ACVR2A: variants seen among roughly 807,000 people sequenced by gnomAD.
ACVR2A encodes the protein activin A receptor type 2A, also known as activin receptor type-2A.
A neutral mutation model predicts 61.4 loss-of-function variants in ACVR2A; 7 were observed. The ratio of observed to expected loss-of-function variants is 0.11; its 90% CI spans 0.06 to 0.21. ACVR2A has a LOEUF of 0.21. Among genes scored for constraint, ACVR2A ranks in the 10% least tolerant of loss-of-function variants. The pLI is 1.00. For synonymous variants in ACVR2A, 193 were observed against 208.3 expected (o/e 0.93, Z 0.63); for missense variants, 322 against 621.7 (o/e 0.52, Z 5.13).
intron 5 of ACVR2A, 57 bp downstream of exon 5, chr2:147,915,391 A>T (rs1353322544): frequency 1.3e-5 from 20 of 1,597,662 alleles, no homozygotes; most frequent in Non-Finnish European, 1.5e-5. Context: ...AGGTCATCAT[A>T]ACTCAGAAAT....
At chr2:147,851,545 C>T (rs566138477) in intron 1 of ACVR2A, among the ~76,000 whole-genome samples, 1 of 152,194 alleles carries the variant, frequency 6.6e-6, no homozygotes, top group African/African-American at 2.4e-5. Context: ...TATTGTATAT[C>T]AGTATGGTGC....
chr2:147,887,320 A>G (rs1014394616), intron 1 of ACVR2A, among the ~76,000 whole-genome samples: 4 of 152,218 alleles, frequency 2.6e-5, no homozygotes, highest in Non-Finnish European at 5.9e-5. Flanking sequence ...ATATTAAGCT[A>G]CATCCAGATA....
At chr2:147,875,108 A>G (rs1049208926) in intron 1 of ACVR2A, among the ~76,000 whole-genome samples, 4 of 152,030 alleles carry the variant, frequency 2.6e-5, no homozygotes, top group Non-Finnish European at 5.9e-5. Context: ...AATTTGAAAT[A>G]TTAATATCTG....
chr2:147,907,595 T>G (rs1687017260), intron 4 of ACVR2A, among the ~76,000 whole-genome samples: 1 of 152,174 alleles, frequency 6.6e-6, no homozygotes, highest in Admixed American at 6.6e-5. Context: ...ATAAGAAAAT[T>G]GAGGCATTCA....
At chr2:147,923,859 G>C (rs958489000) in intron 9 of ACVR2A, among the ~76,000 whole-genome samples, 2 of 152,026 alleles carry the variant, frequency 1.3e-5, no homozygotes, top group African/African-American at 4.8e-5. Context: ...GATTGTCAAA[G>C]ACCATAGAAG....
Position 147,899,855 on chromosome 2 carries a change from G to A in ACVR2A, c.485G>A (p.Arg162Lys), listed in dbSNP as rs369418751. Residue 162 changes from arginine (R) to lysine (K), a missense_variant, in exon 4 of 11, where the codon AGG becomes AAG. Arg to Lys is a conservative substitution (Grantham distance 26). Transcript: ENST00000241416. The stretch of plus-strand genomic sequence containing the variant: ...GTCATTTGTGCATTTTGGGTGTACA[G>A]GCATCACAAGATGGCCTACCCTCCT... ...GIVICAFWVY[R>K]HHKMAYPPVL... The A allele has an allele frequency of 6.8e-6, 11 of 1,613,572 alleles. No homozygotes were observed. The African/African-American group carries it at 1.5e-4, about 22-fold the overall frequency.
At chr2:147,921,254 C>G (rs1029055644) in intron 8 of ACVR2A, among the ~76,000 whole-genome samples, 1 of 152,022 alleles carries the variant, frequency 6.6e-6, no homozygotes, top group Admixed American at 6.6e-5. Flanking sequence ...AGGCTTGTAT[C>G]GAGCTCCTGA....
At chr2:147,887,204 C>A in intron 1 of ACVR2A, among the ~76,000 whole-genome samples, 1 of 147,360 alleles carries the variant, frequency 6.8e-6, no homozygotes. Context: ...AGAGCGAGAT[C>A]TTGTCTCAAA....
rs1687641614 is a variant in ACVR2A, at chr2:147,930,297, G to C, written c.*3023G>C. The C allele has an allele frequency of 4.7e-5, 7 of 148,652 alleles. No individual in the cohort carries two copies. In the South Asian group the frequency reaches 1.5e-3, roughly 32 times the overall value. 9.2% of individuals were successfully genotyped at this position (148,652 alleles called of 1,614,324 possible). A position where few individuals can be genotyped will look rare whatever the true frequency, so the allele number is the denominator to read the frequency against. On this transcript the variant is annotated 3_prime_UTR_variant, in exon 11 of 11. Coordinates refer to ENST00000241416, the MANE Select transcript of ACVR2A (RefSeq NM_001616.5). ...TTTAAGTAAAATGCAGGTGGTAGGGGAAAAAAAACCATGGCGAGATGGTGG... is the reference window on the plus strand; with the variant it reads ...TTTAAGTAAAATGCAGGTGGTAGGGCAAAAAAAACCATGGCGAGATGGTGG...
chr2:147,909,697 G>A (rs1687070576), intron 4 of ACVR2A, among the ~76,000 whole-genome samples: 1 of 152,136 alleles, frequency 6.6e-6, no homozygotes, highest in African/African-American at 2.4e-5. Flanking sequence ...GAATGCAGTG[G>A]CATGATCACA....
chr2:147,900,562 G>A (rs756433711), intron 4 of ACVR2A: 2 of 151,994 alleles, frequency 1.3e-5, no homozygotes, highest in Non-Finnish European at 2.9e-5. Context: ...TATAGGTGTG[G>A]AGAGTAATCA....
At chr2:147,896,271 G>A (rs560277812) in intron 1 of ACVR2A, 30 bp from the exon 2 acceptor site, 1 of 1,553,268 alleles carries the variant, frequency 6.4e-7, no homozygotes, top group African/African-American at 1.4e-5. Context: ...CAGATAATGT[G>A]GTTATATTAT....
chr2:147,926,229 C>A, intron 10 of ACVR2A, 68 bp downstream of exon 10: 1 of 1,536,220 alleles, frequency 6.5e-7, no homozygotes, highest in Non-Finnish European at 8.8e-7. Context: ...TTATTTATCT[C>A]TGCACATTTC....
chr2:147,909,494 A>G (rs1329921091), intron 4 of ACVR2A, among the ~76,000 whole-genome samples: 1 of 152,160 alleles, frequency 6.6e-6, no homozygotes. Context: ...CTACAAACCT[A>G]ATAGCTTGAT....
At chr2:147,890,378 A>G (rs1308891071) in intron 1 of ACVR2A, among the ~76,000 whole-genome samples, 2 of 142,212 alleles carry the variant, frequency 1.4e-5, no homozygotes, top group Non-Finnish European at 3.1e-5. Flanking sequence ...GTATACACAC[A>G]TACATGTACT....
intron 1 of ACVR2A, 77 bp downstream of exon 1, chr2:147,845,284 T>G (rs1490648015): frequency 6.9e-7 from 1 of 1,443,332 alleles, no homozygotes; most frequent in Non-Finnish European, 9.5e-7. Flanking sequence ...CGGCTGGTGT[T>G]GAGTCGGAGA....
chr2:147,914,897 T>G (rs1687212843), intron 4 of ACVR2A, among the ~76,000 whole-genome samples: 1 of 151,948 alleles, frequency 6.6e-6, no homozygotes, highest in Admixed American at 6.6e-5. Context: ...ACAGAAAATC[T>G]TAGTGGGGAA....
At chr2:147,854,815 T>C (rs532314284) in intron 1 of ACVR2A, among the ~76,000 whole-genome samples, 2 of 152,302 alleles carry the variant, frequency 1.3e-5, no homozygotes, top group African/African-American at 4.8e-5. Flanking sequence ...GGACAGAAAC[T>C]AACAGGGTGC....
intron 2 of ACVR2A, among the ~76,000 whole-genome samples, chr2:147,897,954 CA>C (rs1686781970): frequency 6.6e-6 from 1 of 152,096 alleles, no homozygotes; most frequent in Non-Finnish European, 1.5e-5. Flanking sequence ...ATCTTTATCC[CA>C]AACTATCTTT....
Sources: gnomAD v4.1 joint callset for allele counts (sites outside exome capture counted in the v4.1 genomes callset) on GRCh38, gnomAD v4.1.1 for gene constraint, MANE v1.5 for transcripts, NCBI Gene and HGNC (gene_info 2026-07-23, HGNC 2026-07-21) for gene names.